The following PHLPP2 variants were observed in gnomAD, a reference collection of about 807,000 sequenced individuals.
The protein encoded by PHLPP2 is PH domain leucine-rich repeat-containing protein phosphatase 2.
Under a neutral mutation model 124.9 loss-of-function variants are expected in PHLPP2, and 66 were observed. That is an observed-to-expected ratio of 0.53 (90% confidence interval 0.43 to 0.65). The LOEUF (loss-of-function observed/expected upper bound fraction) is 0.65. PHLPP2 is among the 30% of genes least tolerant of loss of function. The probability of loss-of-function intolerance (pLI) is 0.00; values close to 1 mark genes in which losing one functional copy is unlikely to be tolerated. For synonymous variants in PHLPP2, 681 were observed against 624.7 expected, an observed-to-expected ratio of 1.09 and a Z score of -1.34; for missense variants, 1,685 against 1,600.4, an observed-to-expected ratio of 1.05 and a Z score of -0.90.
chr16:71,700,275 C>T (rs141360908), intron 3 of PHLPP2, among the ~76,000 whole-genome samples: 8 of 151,984 alleles, frequency 5.3e-5, no homozygotes, highest in African/African-American at 7.2e-5. Flanking sequence ...TGCAGTGGTG[C>T]GCACGTGTAG....
At chr16:71,717,178 T>A (rs1033233136) in intron 1 of PHLPP2, among the ~76,000 whole-genome samples, 1 of 152,224 alleles carries the variant, frequency 6.6e-6, no homozygotes, top group African/African-American at 2.4e-5. Context: ...TCAGTAGTAT[T>A]CCTCATTGGA....
intron 3 of PHLPP2, among the ~76,000 whole-genome samples, chr16:71,696,085 A>C (rs540783934): frequency 1.3e-5 from 2 of 152,360 alleles, no homozygotes; most frequent in African/African-American, 4.8e-5. Context: ...AAATATGCAT[A>C]TAAAATAAGA....
intron 4 of PHLPP2, among the ~76,000 whole-genome samples, chr16:71,686,265 C>A (rs140528586): frequency 8.5e-4 from 129 of 152,284 alleles, no homozygotes; most frequent in Middle Eastern, 3.4e-3. Context: ...CTCAACCTTA[C>A]GGGTTCAAGT....
chr16:71,714,479 G>A (rs571489695), intron 2 of PHLPP2, 33 bp downstream of exon 2: 117 of 1,544,316 alleles, frequency 7.6e-5, no homozygotes, highest in Middle Eastern at 1.8e-4. Flanking sequence ...TTTATATTAC[G>A]GTAGAATTAG....
chr16:71,665,823 C>A (rs1218781717), intron 12 of PHLPP2, among the ~76,000 whole-genome samples: 3 of 152,168 alleles, frequency 2.0e-5, no homozygotes, highest in Non-Finnish European at 4.4e-5. Context: ...CATCAATACT[C>A]CATTAAATGT....
intron 15 of PHLPP2, 47 bp downstream of exon 15, chr16:71,658,186 T>C (rs2044757459): frequency 6.4e-7 from 1 of 1,559,808 alleles, no homozygotes. Flanking sequence ...TACACATGGC[T>C]GGTGGGCTAA....
chr16:71,649,585 C>A lies in PHLPP2; in HGVS notation c.3277G>T (p.Val1093Leu), dbSNP rs2044680502. Residue 1093 changes from valine to leucine, a missense_variant, in exon 19 of 19, where the codon GTG (valine) becomes TTG (leucine). Physicochemically the swap from Val to Leu is conservative, Grantham distance 32 (BLOSUM62 1). Coordinates refer to ENST00000568954, the MANE Select transcript of PHLPP2 (RefSeq NM_015020.3). Reference sequence around the variant, plus strand: ...TGCTCATCAGAAGCAGTGGACCCCACTTCACTGCTCACCTCTGAGGTGGAC... The same window carrying A: ...TGCTCATCAGAAGCAGTGGACCCCAATTCACTGCTCACCTCTGAGGTGGAC... ...EMSTSEVSSEVGSTASDEHNA... is the reference protein window; with the variant it reads ...EMSTSEVSSELGSTASDEHNA... 1.2e-6 allele frequency: 2 copies of A among 1,613,928 alleles called. No individual in the cohort carries two copies. Among genetic ancestry groups the A allele is most frequent in the Non-Finnish European group, 1.7e-6 (2 of 1,179,786 alleles).
At chr16:71,702,512 T>C in intron 3 of PHLPP2, 86 bp downstream of exon 3, 3 of 1,128,822 alleles carry the variant, frequency 2.7e-6, no homozygotes, top group Non-Finnish European at 3.8e-6. Context: ...TTTGATAAAA[T>C]ACCTTTAAAA....
At chr16:71,706,753 G>A (rs1407466398) in intron 2 of PHLPP2, among the ~76,000 whole-genome samples, 3 of 151,986 alleles carry the variant, frequency 2.0e-5, no homozygotes, top group African/African-American at 7.2e-5. Flanking sequence ...AGGAACCTGT[G>A]TCGGTTTCAT....
rs373337255 is a variant in PHLPP2 at position 71,658,725 on chromosome 16, C to G, written c.2076G>C (p.Arg692Ser). 1 of 1,614,138 alleles carries G rather than the reference C, an allele frequency of 6.2e-7. No homozygotes were observed. The change falls in exon 14 of 19, where the codon AGG becomes AGC. Residue 692 changes from arginine to serine, a missense_variant. Arg to Ser is a moderately radical substitution (Grantham distance 110). Coordinates refer to ENST00000568954, the MANE Select transcript of PHLPP2 (RefSeq NM_015020.3). ...TIPTTIANCK[R>S]LHTLVAHSNN... ...TGGAGTGTGCAACAAGGGTGTGCAG[C>G]CTTTTACAGTTTGCTATGGTTGTGG...
Position 71,690,479 on chromosome 16 carries a change from GATGATCAAATGAAAAATAATTCAT to G in PHLPP2, c.609+16_609+39del. ...CATTATGTGATATTTTCTTAATTAA[GATGATCAAATGAAAAATAATTCAT>G]CTTTGTGAGTCTTACCTTTCCACCA... On this transcript the variant is annotated intron_variant, in intron 4 of 18. Coordinates refer to ENST00000568954, the MANE Select transcript of PHLPP2 (RefSeq NM_015020.3). The G allele has an allele frequency of 7.5e-7, 1 of 1,328,636 alleles. No homozygotes were observed. Among genetic ancestry groups the G allele is most frequent in the Non-Finnish European group, 1.1e-6 (1 of 941,000 alleles). 82.3% of individuals were successfully genotyped at this position (1,328,636 alleles called of 1,614,324 possible).
At chr16:71,656,721 G>T in intron 15 of PHLPP2, 40 bp from the exon 16 acceptor site, 3 of 1,175,168 alleles carry the variant, frequency 2.6e-6, no homozygotes, top group Non-Finnish European at 3.8e-6. Flanking sequence ...ATATTCTTCT[G>T]TATTTTACAA....
At chr16:71,714,491 G>GT (rs766181424) in intron 2 of PHLPP2, 21 bp downstream of exon 2, 197 of 1,567,128 alleles carry the variant, frequency 1.3e-4, no homozygotes, top group Non-Finnish European at 1.6e-4. Context: ...TAGAATTAGA[G>GT]TGGTAAAACT....
rs2145337595 is a variant in PHLPP2, at chr16:71,679,486, A to G, written c.940T>C (p.Phe314Leu). Residue 314 changes from phenylalanine (F) to leucine (L), a missense_variant, in exon 7 of 19, where the codon TTT becomes CTT. Phe to Leu is a conservative substitution (Grantham distance 22). Transcript: ENST00000568954. ...LNLSHNKLGL[F>L]PILLCEISTL... is the part of the protein sequence containing the mutation. ...GAGATCTCGCATAACAATATAGGAA[A>G]CAACCCAAGTTTATTATGGGACAAG... 3 of 1,613,926 alleles carry G rather than the reference A, an allele frequency of 1.9e-6. No homozygotes were observed. Among genetic ancestry groups the G allele is most frequent in the Non-Finnish European group, 2.5e-6 (3 of 1,179,860 alleles).
intron 2 of PHLPP2, among the ~76,000 whole-genome samples, chr16:71,708,659 G>A (rs1283024048): frequency 2.0e-5 from 3 of 152,106 alleles, no homozygotes; most frequent in Non-Finnish European, 4.4e-5. Flanking sequence ...GGTGTTGCGC[G>A]CCTGTAGTCC....
chr16:71,662,420 A>C (rs1288328969), intron 13 of PHLPP2, among the ~76,000 whole-genome samples: 1 of 151,710 alleles, frequency 6.6e-6, no homozygotes, highest in Non-Finnish European at 1.5e-5. Flanking sequence ...ACAGAGCAAG[A>C]CTCCATCTCA....
chr16:71,650,109 G>T, intron 18 of PHLPP2, 65 bp from the exon 19 acceptor site: 3 of 1,235,256 alleles, frequency 2.4e-6, no homozygotes, highest in Non-Finnish European at 3.4e-6. Flanking sequence ...TATCTTTCTA[G>T]ATCACAGTGC....
chr16:71,654,851 T>C (rs1453064077), intron 17 of PHLPP2, among the ~76,000 whole-genome samples: 1 of 152,232 alleles, frequency 6.6e-6, no homozygotes, highest in Non-Finnish European at 1.5e-5. Flanking sequence ...GAAAGAGGCA[T>C]TCTAAACGTT....
At position 71,724,396 on chromosome 16, in the gene PHLPP2, C is replaced by G. The variant is rs1356714770; in HGVS notation, c.-74G>C. 1 of 152,264 alleles carries G rather than the reference C, an allele frequency of 6.6e-6. No individual in the cohort carries two copies. Among genetic ancestry groups the G allele is most frequent in the African/African-American group, 2.4e-5 (1 of 41,452 alleles). The allele number at this position is 152,264 out of a possible 1,614,324, so 9.4% of individuals were successfully genotyped here. On this transcript the variant is annotated 5_prime_UTR_variant, in exon 1 of 19. Coordinates refer to ENST00000568954, the MANE Select transcript of PHLPP2 (RefSeq NM_015020.3). ...CCTTCTTAAGCAAATTCAACCCAAC[C>G]TCGTACAAAACGTCCGCTCACCTCC... is the stretch of plus-strand genomic sequence containing the variant.
Sources: gnomAD v4.1 joint callset for allele counts (sites outside exome capture counted in the v4.1 genomes callset) on GRCh38, gnomAD v4.1.1 for gene constraint, MANE v1.5 for transcripts, NCBI Gene and HGNC (gene_info 2026-07-23, HGNC 2026-07-21) for gene names.